The following NFIB variants were observed in gnomAD, a reference collection of about 807,000 sequenced individuals.
NFIB encodes nuclear factor 1 B-type.
In NFIB, 11 loss-of-function variants were observed where a neutral mutation model predicts 61.5. The ratio of observed to expected loss-of-function variants is 0.18; its 90% confidence interval spans 0.11 to 0.30. NFIB has a LOEUF of 0.30. Ranked by LOEUF, NFIB falls within the 10% of genes least tolerant of loss-of-function variation. The pLI, the probability that NFIB is intolerant of heterozygous loss-of-function variation, is 1.00. For synonymous variants in NFIB, 260 were observed against 216.5 expected (o/e 1.20, Z -1.76); for missense variants, 471 against 608.9 (o/e 0.77, Z 2.38).
intron 2 of NFIB, among the ~76,000 whole-genome samples, chr9:14,228,174 T>C (rs1041692614): frequency 4.0e-5 from 6 of 151,004 alleles, no homozygotes; most frequent in Non-Finnish European, 7.4e-5. Flanking sequence ...TATTAGATTA[T>C]TGAAATAATA....
chr9:14,110,660 T>C (rs2037221229), intron 10 of NFIB, among the ~76,000 whole-genome samples: 1 of 152,114 alleles, frequency 6.6e-6, no homozygotes, highest in African/African-American at 2.4e-5. Context: ...GAAAGAATAA[T>C]CTTTACTGAA....
the NFIB span, among the ~76,000 whole-genome samples, chr9:14,504,638 C>T: frequency 6.6e-6 from 1 of 152,272 alleles, no homozygotes; most frequent in South Asian, 2.1e-4. Flanking sequence ...AGCTTGCTCA[C>T]TGTTGGTGTA....
intron 3 of NFIB, among the ~76,000 whole-genome samples, chr9:14,175,167 C>CTTTT (rs55765054): frequency 3.2e-5 from 4 of 126,034 alleles, no homozygotes; most frequent in African/African-American, 9.8e-5. Flanking sequence ...TAAAGAATTT[C>CTTTT]TTTTTTTTTT....
At chr9:14,091,535 T>A (rs920424853) in intron 10 of NFIB, among the ~76,000 whole-genome samples, 1 of 152,062 alleles carries the variant, frequency 6.6e-6, no homozygotes, top group Admixed American at 6.6e-5. Flanking sequence ...GATAATCTTA[T>A]GTTCATTCCA....
chr9:14,454,976 C>T, the NFIB span, among the ~76,000 whole-genome samples: 1 of 152,154 alleles, frequency 6.6e-6, no homozygotes, highest in Non-Finnish European at 1.5e-5. Context: ...AGAATCAAAG[C>T]TGAGTGGGAA....
chr9:14,116,151 A>G, intron 9 of NFIB, 57 bp downstream of exon 9: 1 of 1,422,604 alleles, frequency 7.0e-7, no homozygotes, highest in Non-Finnish European at 9.3e-7. Flanking sequence ...CCTCTGATGG[A>G]CATTTCTCAT....
chr9:14,427,618 A>T, the NFIB span, among the ~76,000 whole-genome samples: 1 of 152,162 alleles, frequency 6.6e-6, no homozygotes, highest in African/African-American at 2.4e-5. Context: ...GCCCACATAG[A>T]CTGGGCCAAG....
chr9:14,338,057 A>T (rs2060904737), intron 1 of NFIB, among the ~76,000 whole-genome samples: 1 of 152,004 alleles, frequency 6.6e-6, no homozygotes, highest in East Asian at 1.9e-4. Context: ...CTCTATGTGT[A>T]GCTGTATGTT....
intron 1 of NFIB, among the ~76,000 whole-genome samples, chr9:14,308,391 AG>A (rs1262496929): frequency 6.6e-6 from 1 of 152,186 alleles, no homozygotes; most frequent in African/African-American, 2.4e-5. Flanking sequence ...TTTAAATAGA[AG>A]TTTTCAAACT....
At chr9:14,256,634 A>G (rs2056242866) in intron 2 of NFIB, among the ~76,000 whole-genome samples, 1 of 152,206 alleles carries the variant, frequency 6.6e-6, no homozygotes, top group South Asian at 2.1e-4. Flanking sequence ...TTTCAGCAAC[A>G]CTAGCTTGTT....
intron 2 of NFIB, among the ~76,000 whole-genome samples, chr9:14,194,708 G>A (rs140894996): frequency 1.6e-3 from 239 of 152,208 alleles, no homozygotes; most frequent in Non-Finnish European, 2.9e-3. Flanking sequence ...ATACTAAGCA[G>A]ATAGCAAATT....
At chr9:14,514,482 T>G in the NFIB span, among the ~76,000 whole-genome samples, 36 of 152,158 alleles carry the variant, frequency 2.4e-4, no homozygotes, top group Admixed American at 2.6e-4. Flanking sequence ...GATTTGGTAT[T>G]GGAAGAAGAA....
chr9:14,157,536 CA>C (rs1311098834), intron 3 of NFIB, among the ~76,000 whole-genome samples: 1 of 152,128 alleles, frequency 6.6e-6, no homozygotes, highest in Non-Finnish European at 1.5e-5. Flanking sequence ...AGTATTATAA[CA>C]AAATGTCCCA....
At chr9:14,233,102 G>A (rs978717550) in intron 2 of NFIB, among the ~76,000 whole-genome samples, 2 of 152,166 alleles carry the variant, frequency 1.3e-5, no homozygotes, top group African/African-American at 2.4e-5. Context: ...AGTTTAACTC[G>A]TGGTACCTCC....
intron 3 of NFIB, among the ~76,000 whole-genome samples, chr9:14,176,444 G>A (rs922072512): frequency 6.6e-6 from 1 of 151,868 alleles, no homozygotes; most frequent in African/African-American, 2.4e-5. Context: ...AAAAGATTAC[G>A]GTGCCCACCC....
chr9:14,500,568 C>A, the NFIB span, among the ~76,000 whole-genome samples: 1 of 152,116 alleles, frequency 6.6e-6, no homozygotes, highest in Non-Finnish European at 1.5e-5. Context: ...GTACTTGTCT[C>A]AGTTTATAAT....
Position 14,313,091 on chromosome 9 carries a change from C to T in NFIB, c.30+391G>A, listed in dbSNP as rs902516637. 6.4e-4 allele frequency among the ~76,000 whole-genome samples: 98 copies of T among 152,356 alleles called. No individual in the cohort carries two copies. Among genetic ancestry groups the T allele is most frequent in the African/African-American group, 2.3e-3 (96 of 41,592 alleles). The stretch of plus-strand genomic sequence containing the variant: ...TTAAAAGCTTAGTCCCCCGTAAAGT[C>T]CTCCAAAGCCCGAGTCCACCTCAAC... On this transcript the variant is annotated intron_variant, in intron 1 of 10. Coordinates refer to ENST00000380953, the MANE Select transcript of NFIB (RefSeq NM_001190737.2). The surrounding 1 kb of genome is among the most constrained non-coding windows in gnomAD (Gnocchi z 4.5).
chr9:14,278,928 G>C (rs2058186091), intron 2 of NFIB, among the ~76,000 whole-genome samples: 2 of 152,098 alleles, frequency 1.3e-5, no homozygotes, highest in Non-Finnish European at 1.5e-5. Flanking sequence ...CACCTAAGCT[G>C]AAAGTCCACA....
the NFIB span, among the ~76,000 whole-genome samples, chr9:14,468,821 G>T: frequency 6.6e-6 from 1 of 152,348 alleles, no homozygotes; most frequent in Non-Finnish European, 1.5e-5. Flanking sequence ...ACTGATAGGT[G>T]AGGGAACTAA....
Sources: gnomAD v4.1 joint callset for allele counts (sites outside exome capture counted in the v4.1 genomes callset) on GRCh38, gnomAD v4.1.1 for gene constraint, Gnocchi (gnomAD v3.1) non-coding constraint, MANE v1.5 for transcripts, NCBI Gene and HGNC (gene_info 2026-07-23, HGNC 2026-07-21) for gene names.